Variants in COG5 observed in about 807,000 individuals in gnomAD.
The protein encoded by COG5 is conserved oligomeric Golgi complex subunit 5.
Under a neutral mutation model 110.4 loss-of-function variants are expected in COG5, and 86 were observed. The observed-to-expected ratio is 0.78, with a 90% confidence interval of 0.65 to 0.93. The LOEUF is 0.93. COG5 is among the 40% of genes least tolerant of loss of function. The pLI is 0.00. For missense variants in COG5, 1,077 were observed against 987.0 expected (o/e 1.09, Z -1.22); for synonymous variants, 360 against 334.6 (o/e 1.08, Z -0.83).
At chr7:107,376,803 T>C (rs1814675105) in intron 7 of COG5, among the ~76,000 whole-genome samples, 2 of 152,126 alleles carry the variant, frequency 1.3e-5, no homozygotes, top group South Asian at 4.1e-4. Context: ...AGATTAAAGA[T>C]ACTGGCTTGC....
chr7:107,504,709 C>T (rs1445207969), intron 6 of COG5, among the ~76,000 whole-genome samples: 1 of 152,068 alleles, frequency 6.6e-6, no homozygotes, highest in African/African-American at 2.4e-5. Context: ...GTTTCTATTT[C>T]TTCCGGATTT....
chr7:107,372,266 A>C (rs1209779357), intron 8 of COG5, among the ~76,000 whole-genome samples: 2 of 152,198 alleles, frequency 1.3e-5, no homozygotes, highest in African/African-American at 4.8e-5. Flanking sequence ...TGTCTTTAAG[A>C]AGTACATGGG....
At chr7:107,329,567 A>G (rs1810069605) in intron 10 of COG5, among the ~76,000 whole-genome samples, 1 of 152,148 alleles carries the variant, frequency 6.6e-6, no homozygotes, top group Non-Finnish European at 1.5e-5. Context: ...ATAAAAAGAT[A>G]GAATGTTAAT....
intron 11 of COG5, among the ~76,000 whole-genome samples, chr7:107,323,195 G>A (rs976864221): frequency 1.3e-5 from 2 of 152,088 alleles, no homozygotes; most frequent in Non-Finnish European, 2.9e-5. Flanking sequence ...GGAAATATAC[G>A]ATATTTATTC....
intron 19 of COG5, among the ~76,000 whole-genome samples, chr7:107,228,781 A>C (rs907499248): frequency 2.6e-5 from 4 of 152,212 alleles, no homozygotes; most frequent in Admixed American, 2.6e-4. Context: ...GCCATTAAAA[A>C]AAAAAAAAGG....
chr7:107,340,406 T>C (rs1433688932), intron 10 of COG5, among the ~76,000 whole-genome samples: 1 of 152,038 alleles, frequency 6.6e-6, no homozygotes, highest in Non-Finnish European at 1.5e-5. Context: ...AAAACAGCCC[T>C]GGGCCAAACT....
chr7:107,512,847 T>G (rs1305844982), intron 6 of COG5, among the ~76,000 whole-genome samples: 6 of 151,158 alleles, frequency 4.0e-5, no homozygotes, highest in East Asian at 1.9e-4. Flanking sequence ...TAGCCATATG[T>G]AGAAAGCTGA....
chr7:107,507,930 C>T (rs954566726), intron 6 of COG5, among the ~76,000 whole-genome samples: 8 of 152,218 alleles, frequency 5.3e-5, no homozygotes, highest in African/African-American at 1.4e-4. Flanking sequence ...GATGGCTGAA[C>T]AGGAACAGCT....
chr7:107,462,528 T>A (rs1796059433), intron 6 of COG5, among the ~76,000 whole-genome samples: 2 of 146,620 alleles, frequency 1.4e-5, no homozygotes. Flanking sequence ...AGGGGAGCCT[T>A]AAACCCCAGA....
intron 5 of COG5, chr7:107,547,883 G>A (rs1802563098): frequency 1.6e-5 from 8 of 505,146 alleles, no homozygotes; most frequent in East Asian, 3.2e-5. Context: ...AATTGAAGAA[G>A]ATATAAGTTA....
intron 16 of COG5, among the ~76,000 whole-genome samples, chr7:107,253,531 T>A (rs940560702): frequency 6.6e-6 from 1 of 152,064 alleles, no homozygotes; most frequent in Non-Finnish European, 1.5e-5. Context: ...CAGTAAAAAA[T>A]GGATCAGAAT....
intron 14 of COG5, among the ~76,000 whole-genome samples, chr7:107,264,368 T>TATGC (rs1803617773): frequency 3.0e-5 from 2 of 66,184 alleles, no homozygotes; most frequent in Non-Finnish European, 5.5e-5. Flanking sequence ...GCCATACCCT[T>TATGC]ATGTATGTAA....
intron 6 of COG5, among the ~76,000 whole-genome samples, chr7:107,510,295 CAAAG>C (rs1429194940): frequency 6.6e-6 from 1 of 151,984 alleles, no homozygotes; most frequent in Non-Finnish European, 1.5e-5. Flanking sequence ...TCAAAAGAGA[CAAAG>C]AAGGCCATTA....
chr7:107,433,596 T>C (rs1794169486), intron 6 of COG5, among the ~76,000 whole-genome samples: 1 of 152,184 alleles, frequency 6.6e-6, no homozygotes, highest in Non-Finnish European at 1.5e-5. Flanking sequence ...TTTCAACAAA[T>C]GGTGGTGGGA....
chr7:107,558,669 G>A (rs1034714643), intron 1 of COG5, among the ~76,000 whole-genome samples: 31 of 151,440 alleles, frequency 2.0e-4, no homozygotes, highest in Non-Finnish European at 1.5e-4. Context: ...GGTGGATCAC[G>A]AGGTCAGGAG....
intron 6 of COG5, among the ~76,000 whole-genome samples, chr7:107,464,024 A>T (rs1173817097): frequency 1.3e-5 from 2 of 152,060 alleles, no homozygotes; most frequent in Non-Finnish European, 2.9e-5. Flanking sequence ...AAAAGTCTGA[A>T]TTTCTCTCCC....
chr7:107,339,299 T>C lies in COG5; in HGVS notation c.1027-14778A>G, dbSNP rs1046457070. ...AGAAAGGCATTATATGGTGATAAAG[T>C]GCTCAATTCAACAAAAAGACTTAAC... is the stretch of plus-strand genomic sequence containing the variant. On this transcript the variant is annotated intron_variant, in intron 10 of 21. Coordinates refer to ENST00000297135, the MANE Select transcript of COG5 (RefSeq NM_006348.5). Among the ~76,000 whole-genome samples, 6 of 151,946 alleles carry C rather than the reference T, an allele frequency of 3.9e-5. 1 individual carries two copies. The South Asian group carries it at 1.0e-3, about 26-fold the overall frequency.
intron 7 of COG5, among the ~76,000 whole-genome samples, chr7:107,398,400 G>A (rs930929611): frequency 1.3e-5 from 2 of 152,194 alleles, no homozygotes; most frequent in Non-Finnish European, 2.9e-5. Flanking sequence ...AGGGCAGTGA[G>A]CATTATAACC....
At chr7:107,240,228 T>C (rs1363799808) in intron 17 of COG5, among the ~76,000 whole-genome samples, 2 of 152,206 alleles carry the variant, frequency 1.3e-5, no homozygotes, top group Non-Finnish European at 2.9e-5. Flanking sequence ...ATTTATTTAT[T>C]TGAGACAGGA....
Sources: gnomAD v4.1 joint callset for allele counts (sites outside exome capture counted in the v4.1 genomes callset) on GRCh38, gnomAD v4.1.1 for gene constraint, MANE v1.5 for transcripts, NCBI Gene and HGNC (gene_info 2026-07-23, HGNC 2026-07-21) for gene names.